Variants in ITPR1 observed in about 807,000 individuals in gnomAD.
The protein encoded by ITPR1 is inositol 1,4,5-trisphosphate-gated calcium channel ITPR1.
Under a neutral mutation model 318.4 loss-of-function variants are expected in ITPR1, and 96 were observed. The observed-to-expected ratio is 0.30, with a 90% CI of 0.26 to 0.36. The LOEUF (loss-of-function observed/expected upper bound fraction) is 0.36, where lower values mean the gene tolerates loss of function less well. ITPR1 is among the 10% of genes least tolerant of loss of function. The pLI, the probability that ITPR1 is intolerant of heterozygous loss-of-function variation, is 1.00. For missense variants in ITPR1, 2,440 were observed against 3,460.2 expected, an observed-to-expected ratio of 0.71 and a Z score of 7.40; for synonymous variants, 1,312 against 1,289.9, an observed-to-expected ratio of 1.02 and a Z score of -0.37.
chr3:4,567,537 G>A (rs896303991), intron 4 of ITPR1, among the ~76,000 whole-genome samples: 3 of 152,140 alleles, frequency 2.0e-5, no homozygotes, highest in Non-Finnish European at 2.9e-5. Context: ...AGTCAACCAC[G>A]TGCGGTGGGC....
intron 4 of ITPR1, among the ~76,000 whole-genome samples, chr3:4,619,917 T>C (rs183038676): frequency 6.3e-4 from 95 of 151,700 alleles, no homozygotes; most frequent in African/African-American, 2.1e-3. Flanking sequence ...CTGTAGTACA[T>C]TAAAACATTT....
chr3:4,729,003 C>T lies in ITPR1; in HGVS notation c.5220+1830C>T, dbSNP rs116542160. ...CTCCTGCACTTCATGGCCCGAGGCA[C>T]CTTGCATTCTTATATTTTCCATCCT... On this transcript the variant is annotated intron_variant, in intron 42 of 61. Coordinates refer to ENST00000649015, the MANE Select transcript of ITPR1 (RefSeq NM_001378452.1). Among the ~76,000 whole-genome samples, 1,492 of 152,264 alleles carry T rather than the reference C, an allele frequency of 9.8e-3. 27 individuals carry two copies. The highest frequency in any genetic ancestry group is 0.034 in the African/African-American group (1,393 of 41,528).
At chr3:4,842,660 T>C (rs761300238) in intron 61 of ITPR1, among the ~76,000 whole-genome samples, 97 of 152,272 alleles carry the variant, frequency 6.4e-4, no homozygotes, top group Admixed American at 1.0e-3. Flanking sequence ...CCCAGCCGTT[T>C]TGAGGATTTT....
chr3:4,698,939 T>C (rs115994677), intron 34 of ITPR1, among the ~76,000 whole-genome samples: 1 of 152,332 alleles, frequency 6.6e-6, no homozygotes, highest in Non-Finnish European at 1.5e-5. Flanking sequence ...GGTGAAATCG[T>C]AGGTGTCTCC....
intron 39 of ITPR1, among the ~76,000 whole-genome samples, chr3:4,715,957 T>G (rs1306175158): frequency 6.6e-6 from 1 of 152,198 alleles, no homozygotes; most frequent in African/African-American, 2.4e-5. Context: ...AAAAAAAATC[T>G]TTAATTCTTA....
chr3:4,718,535 C>T (rs1452538443), intron 40 of ITPR1, among the ~76,000 whole-genome samples: 1 of 152,180 alleles, frequency 6.6e-6, no homozygotes, highest in Non-Finnish European at 1.5e-5. Flanking sequence ...GGCACAGTTG[C>T]CTCCGGAATG....
chr3:4,656,372 G>A (rs1219649216), intron 12 of ITPR1, among the ~76,000 whole-genome samples: 2 of 152,184 alleles, frequency 1.3e-5, no homozygotes, highest in East Asian at 1.9e-4. Context: ...GGAGTAATAT[G>A]CCAGATGGTT....
At chr3:4,538,873 T>C (rs1249157978) in intron 4 of ITPR1, among the ~76,000 whole-genome samples, 1 of 152,048 alleles carries the variant, frequency 6.6e-6, no homozygotes, top group Admixed American at 6.6e-5. Flanking sequence ...CTGGGGCCTT[T>C]TAGGGGATGG....
intron 4 of ITPR1, among the ~76,000 whole-genome samples, chr3:4,585,546 C>T (rs1269989113): frequency 6.6e-6 from 1 of 152,182 alleles, no homozygotes; most frequent in East Asian, 1.9e-4. Context: ...AAGCAGTTCT[C>T]CTGTCTCAGC....
chr3:4,832,662 G>T (rs2050600165), intron 60 of ITPR1, among the ~76,000 whole-genome samples: 1 of 152,114 alleles, frequency 6.6e-6, no homozygotes, highest in Non-Finnish European at 1.5e-5. Flanking sequence ...TTTCTATCTG[G>T]TCTACGTAAC....
intron 4 of ITPR1, among the ~76,000 whole-genome samples, chr3:4,589,777 GC>G (rs200663730): frequency 0.015 from 2,316 of 151,442 alleles, 72 homozygotes; most frequent in African/African-American, 0.053. Flanking sequence ...AAAAAAAAAT[GC>G]AAAACGAACA....
At chr3:4,684,257 A>G (rs960218834) in intron 28 of ITPR1, 24 bp from the exon 29 acceptor site, 6 of 1,544,468 alleles carry the variant, frequency 3.9e-6, no homozygotes, top group East Asian at 2.3e-5. Context: ...TACAGATCAC[A>G]CTTGTGTTCA....
At chr3:4,785,774 G>C (rs2047156393) in intron 51 of ITPR1, among the ~76,000 whole-genome samples, 1 of 152,188 alleles carries the variant, frequency 6.6e-6, no homozygotes, top group South Asian at 2.1e-4. Flanking sequence ...AGGTCACCTA[G>C]CTTTTTAGGG....
chr3:4,804,718 C>T (rs1011637762), intron 54 of ITPR1, among the ~76,000 whole-genome samples: 6 of 152,302 alleles, frequency 3.9e-5, no homozygotes, highest in African/African-American at 1.4e-4. Context: ...TACTTTCCCA[C>T]CCTCTGAAAT....
At chr3:4,637,219 T>G (rs932175072) in intron 5 of ITPR1, among the ~76,000 whole-genome samples, 7 of 152,258 alleles carry the variant, frequency 4.6e-5, no homozygotes, top group African/African-American at 1.7e-4. Flanking sequence ...TTCCCTTTGA[T>G]ATTTTCCCCC....
rs373436949 is a variant in ITPR1 at position 4,693,706 on chromosome 3, G to A, written c.4246G>A (p.Val1416Ile). The A allele has an allele frequency of 1.5e-5, 25 of 1,613,596 alleles. No individual in the cohort carries two copies. The highest frequency in any genetic ancestry group is 1.5e-4 in the Admixed American group (9 of 59,906). ...CNSLLPLDDI[V>I]RVVTHEDCIP... ...CTCCCTGCTCCCGCTGGATGACATC[G>A]TTCGCGTGGTGACCCACGAGGACTG... is the stretch of plus-strand genomic sequence containing the variant. Residue 1416 changes from valine to isoleucine, a missense_variant, in exon 33 of 62, where the codon GTT becomes ATT. Physicochemically the swap from Val to Ile is conservative, Grantham distance 29. This residue lies in a region of ITPR1 where 222 missense variants were observed against 318.8 expected (regional missense o/e 0.70). Transcript: ENST00000649015.
At chr3:4,696,317 A>C (rs1234999448) in intron 33 of ITPR1, among the ~76,000 whole-genome samples, 1 of 152,190 alleles carries the variant, frequency 6.6e-6, no homozygotes, top group East Asian at 1.9e-4. Context: ...TGTCTTTCTG[A>C]ATATATGGAT....
intron 61 of ITPR1, among the ~76,000 whole-genome samples, chr3:4,845,392 C>G (rs1453406668): frequency 2.6e-5 from 4 of 152,268 alleles, no homozygotes; most frequent in African/African-American, 9.6e-5. Context: ...TAGAACAGGT[C>G]TAGAGACCCA....
At chr3:4,708,332 G>A (rs2094801394) in intron 37 of ITPR1, among the ~76,000 whole-genome samples, 1 of 152,096 alleles carries the variant, frequency 6.6e-6, no homozygotes, top group South Asian at 2.1e-4. Context: ...ACACTTAAAC[G>A]TGCATCTTAA....
Sources: gnomAD v4.1 joint callset for allele counts (sites outside exome capture counted in the v4.1 genomes callset) on GRCh38, gnomAD v4.1.1 for gene constraint, gnomAD v4.1.1 regional missense constraint, MANE v1.5 for transcripts, NCBI Gene and HGNC (gene_info 2026-07-23, HGNC 2026-07-21) for gene names.